The following ADGRG6 variants were observed in gnomAD, a reference collection of about 807,000 sequenced individuals.
ADGRG6 encodes the protein adhesion G protein-coupled receptor G6.
In ADGRG6, 84 loss-of-function variants were observed where a neutral mutation model predicts 142.4. That is an observed-to-expected ratio of 0.59 (90% CI 0.49 to 0.71). The LOEUF (loss-of-function observed/expected upper bound fraction) is 0.71. Ranked by LOEUF, ADGRG6 falls within the 30% of genes least tolerant of loss-of-function variation. The pLI, the probability that ADGRG6 is intolerant of heterozygous loss-of-function variation, is 0.00. For missense variants in ADGRG6, 1,367 were observed against 1,466.6 expected (o/e 0.93, Z 1.11); for synonymous variants, 521 against 520.5 (o/e 1.00, Z -0.01).
chr6:142,339,822 C>T (rs1287558976), intron 2 of ADGRG6, among the ~76,000 whole-genome samples: 2 of 152,156 alleles, frequency 1.3e-5, no homozygotes, highest in Admixed American at 6.5e-5. Context: ...GATTGCCTTA[C>T]ATCATGGAAA....
intron 1 of ADGRG6, among the ~76,000 whole-genome samples, chr6:142,302,926 T>C (rs868110262): frequency 2.0e-5 from 3 of 152,124 alleles, no homozygotes; most frequent in African/African-American, 7.2e-5. Context: ...GGGACTTCCA[T>C]AGACTTATGG....
Position 142,309,557 on chromosome 6 carries a change from G to A in ADGRG6, c.16G>A (p.Asp6Asn), listed in dbSNP as rs1777659886. ...CTTTCTTTGCAGGATGTTTCGCTCA[G>A]ATCGAATGTGGAGCTGCCATTGGAA... MMFRS[D>N]RMWSCHWKWK... The change falls in exon 2 of 25, where the codon GAT becomes AAT. Residue 6 changes from aspartate (D) to asparagine (N), a missense_variant. By Grantham distance (23) the Asp-to-Asn change is conservative (BLOSUM62 1). Coordinates refer to ENST00000367609, the MANE Select transcript of ADGRG6 (RefSeq NM_198569.3). The A allele has an allele frequency of 1.2e-6, 2 of 1,608,314 alleles. No individual in the cohort carries two copies. The highest frequency in any genetic ancestry group is 4.5e-5 in the East Asian group (2 of 44,748).
At chr6:142,347,254 AGTT>A (rs1779949051) in intron 2 of ADGRG6, among the ~76,000 whole-genome samples, 1 of 152,142 alleles carries the variant, frequency 6.6e-6, no homozygotes. Flanking sequence ...GCTGATATTC[AGTT>A]GTTTTTAGTT....
chr6:142,391,323 A>G (rs1774885255), intron 7 of ADGRG6, among the ~76,000 whole-genome samples: 1 of 151,288 alleles, frequency 6.6e-6, no homozygotes, highest in African/African-American at 2.4e-5. Context: ...TTTTTAATTG[A>G]GTCACTATAC....
At chr6:142,423,085 G>C (rs1415546221) in intron 22 of ADGRG6, among the ~76,000 whole-genome samples, 1 of 147,666 alleles carries the variant, frequency 6.8e-6, no homozygotes, top group Admixed American at 6.7e-5. Context: ...AGATGAGTAG[G>C]TTGCGAAAAT....
At chr6:142,392,652 A>T (rs532829806) in intron 7 of ADGRG6, among the ~76,000 whole-genome samples, 1 of 152,086 alleles carries the variant, frequency 6.6e-6, no homozygotes, top group South Asian at 2.1e-4. Context: ...ATCTTGGGCA[A>T]ACCATTTCTT....
chr6:142,356,491 C>T (rs758415881), intron 2 of ADGRG6, among the ~76,000 whole-genome samples: 7 of 148,676 alleles, frequency 4.7e-5, no homozygotes, highest in Non-Finnish European at 1.0e-4. Flanking sequence ...CAAATGAACA[C>T]AAAGTCTCAT....
At chr6:142,384,765 C>T (rs1385236966) in intron 6 of ADGRG6, among the ~76,000 whole-genome samples, 2 of 152,032 alleles carry the variant, frequency 1.3e-5, no homozygotes, top group Middle Eastern at 3.2e-3. Context: ...AAGAAACCCA[C>T]ATAGTTCATT....
chr6:142,341,059 A>G (rs1779595312), intron 2 of ADGRG6, among the ~76,000 whole-genome samples: 1 of 151,960 alleles, frequency 6.6e-6, no homozygotes, highest in African/African-American at 2.4e-5. Context: ...TGTAAGAGTA[A>G]GCATCTTGTT....
intron 9 of ADGRG6, among the ~76,000 whole-genome samples, chr6:142,396,534 A>C (rs1428675168): frequency 6.6e-6 from 1 of 152,192 alleles, no homozygotes; most frequent in East Asian, 1.9e-4. Context: ...ACCACAAATA[A>C]ATTACTACTA....
chr6:142,439,072 G>T (rs953889379), intron 24 of ADGRG6, among the ~76,000 whole-genome samples: 3 of 152,116 alleles, frequency 2.0e-5, no homozygotes, highest in African/African-American at 7.2e-5. Context: ...GATTGCTTGT[G>T]CCCTGGAGTT....
At chr6:142,322,966 C>T (rs1007554826) in intron 2 of ADGRG6, among the ~76,000 whole-genome samples, 1 of 152,072 alleles carries the variant, frequency 6.6e-6, no homozygotes, top group African/African-American at 2.4e-5. Context: ...AGCTCAGCAC[C>T]TGGTGAATGG....
At chr6:142,338,772 G>A (rs1779474142) in intron 2 of ADGRG6, among the ~76,000 whole-genome samples, 1 of 152,042 alleles carries the variant, frequency 6.6e-6, no homozygotes, top group Non-Finnish European at 1.5e-5. Context: ...CATCTGATAT[G>A]TAACTGAAAC....
chr6:142,324,943 G>A (rs368890346), intron 2 of ADGRG6, among the ~76,000 whole-genome samples: 5 of 152,076 alleles, frequency 3.3e-5, no homozygotes, highest in African/African-American at 9.7e-5. Flanking sequence ...TTAAGGCAAC[G>A]TATCCACTCT....
At chr6:142,327,376 C>T (rs530111528) in intron 2 of ADGRG6, among the ~76,000 whole-genome samples, 25 of 152,094 alleles carry the variant, frequency 1.6e-4, no homozygotes, top group African/African-American at 5.8e-4. Flanking sequence ...TGGAGTTCAC[C>T]GTCTATATTA....
intron 22 of ADGRG6, among the ~76,000 whole-genome samples, chr6:142,433,578 A>G (rs1041116610): frequency 1.3e-5 from 2 of 152,178 alleles, no homozygotes; most frequent in Admixed American, 6.5e-5. Context: ...TTCTGAGTAT[A>G]GAAGAAAATC....
chr6:142,385,168 G>T (rs1431171143), intron 6 of ADGRG6, among the ~76,000 whole-genome samples: 6 of 152,120 alleles, frequency 3.9e-5, no homozygotes, highest in African/African-American at 1.2e-4. Context: ...TTGACTTGGT[G>T]GAGTGGAGCT....
intron 2 of ADGRG6, among the ~76,000 whole-genome samples, chr6:142,340,155 G>C (rs1779543078): frequency 6.6e-6 from 1 of 152,074 alleles, no homozygotes; most frequent in Non-Finnish European, 1.5e-5. Context: ...CTGTGGAAAG[G>C]GGAACATTAG....
intron 2 of ADGRG6, among the ~76,000 whole-genome samples, chr6:142,360,116 A>G (rs994280300): frequency 2.6e-5 from 4 of 152,326 alleles, no homozygotes; most frequent in African/African-American, 9.6e-5. Flanking sequence ...ATTATTTGAG[A>G]TGGTGTGGGA....
Sources: allele counts gnomAD v4.1 joint callset (sites outside exome capture counted in the v4.1 genomes callset), GRCh38; gene constraint gnomAD v4.1.1; transcripts MANE v1.5; gene names NCBI Gene and HGNC (gene_info 2026-07-23, HGNC 2026-07-21).